The following TMEM132C variants were observed in gnomAD, a reference collection of about 807,000 sequenced individuals.
TMEM132C encodes the protein transmembrane protein 132C.
Under a neutral mutation model 61.4 loss-of-function variants are expected in TMEM132C, and 29 were observed. The ratio of observed to expected loss-of-function variants is 0.47; its 90% CI spans 0.35 to 0.64. The LOEUF is 0.64. TMEM132C is among the 30% of genes least tolerant of loss of function. TMEM132C has a pLI of 0.00. For missense variants in TMEM132C, 1,408 were observed against 1,476.9 expected, an observed-to-expected ratio of 0.95 and a Z score of 0.76; for synonymous variants, 656 against 633.1, an observed-to-expected ratio of 1.04 and a Z score of -0.54.
intron 1 of TMEM132C, among the ~76,000 whole-genome samples, chr12:128,334,554 C>A (rs1255416431): frequency 6.6e-6 from 1 of 152,032 alleles, no homozygotes; most frequent in Non-Finnish European, 1.5e-5. Flanking sequence ...GAGTTTCCCC[C>A]ACTAGTTTCT....
intron 4 of TMEM132C, among the ~76,000 whole-genome samples, chr12:128,617,183 C>T (rs4882707): frequency 0.33 from 50,154 of 152,064 alleles, 8,432 homozygotes; most frequent in East Asian, 0.4. Context: ...CATGTCAGCG[C>T]GGCTGGTCTG....
intron 3 of TMEM132C, among the ~76,000 whole-genome samples, chr12:128,547,725 TA>T (rs1593095705): frequency 6.6e-6 from 1 of 152,038 alleles, no homozygotes; most frequent in East Asian, 1.9e-4. Flanking sequence ...TAGGGAGACA[TA>T]AATAGTTTCA....
intron 1 of TMEM132C, among the ~76,000 whole-genome samples, chr12:128,354,321 T>C (rs1873432731): frequency 6.6e-6 from 1 of 151,856 alleles, no homozygotes; most frequent in South Asian, 2.1e-4. Context: ...GAAGTCTCCC[T>C]CCCTCACTTC....
chr12:128,410,406 T>G (rs985975917), intron 1 of TMEM132C, among the ~76,000 whole-genome samples: 2 of 152,068 alleles, frequency 1.3e-5, no homozygotes, highest in Non-Finnish European at 2.9e-5. Flanking sequence ...TGTATATGTT[T>G]GTATGTATGT....
At chr12:128,640,897 G>GCA (rs984506160) in intron 4 of TMEM132C, among the ~76,000 whole-genome samples, 3 of 151,840 alleles carry the variant, frequency 2.0e-5, no homozygotes, top group Non-Finnish European at 4.4e-5. Context: ...TCACACACAC[G>GCA]CACACACACA....
Position 128,567,427 on chromosome 12 carries a change from T to C in TMEM132C, c.1121+23324T>C, listed in dbSNP as rs931042945. On this transcript the variant is annotated intron_variant, in intron 3 of 8. Coordinates refer to ENST00000435159, the MANE Select transcript of TMEM132C (RefSeq NM_001136103.3). ...GAGATCATAAGTGTCCACATACCCA[T>C]AGACACACACACACACACACACACA... 2.6e-5 allele frequency among the ~76,000 whole-genome samples: 3 copies of C among 114,252 alleles called. No homozygotes were observed. In the Admixed American group the frequency reaches 2.8e-4, roughly 11 times the overall value. The allele number at this position is 114,252 out of a possible 152,430, so 75.0% of individuals were successfully genotyped here.
intron 8 of TMEM132C, 92 bp from the exon 9 acceptor site, chr12:128,704,998 G>T: frequency 7.2e-7 from 1 of 1,382,714 alleles, no homozygotes; most frequent in Admixed American, 2.8e-5. Context: ...TTGAGGTCCT[G>T]CTCCCTGTTT....
intron 4 of TMEM132C, among the ~76,000 whole-genome samples, chr12:128,648,558 G>C (rs1185150095): frequency 6.6e-6 from 1 of 151,948 alleles, no homozygotes; most frequent in Non-Finnish European, 1.5e-5. Context: ...CATTGGATGA[G>C]TGTGTTTACT....
At chr12:128,389,284 G>A (rs765255790) in intron 1 of TMEM132C, among the ~76,000 whole-genome samples, 78 of 152,128 alleles carry the variant, frequency 5.1e-4, no homozygotes, top group Admixed American at 2.4e-3. Flanking sequence ...GAGACACTAA[G>A]CAAAGAAAAC....
At chr12:128,626,786 A>G (rs1954021550) in intron 4 of TMEM132C, among the ~76,000 whole-genome samples, 1 of 152,210 alleles carries the variant, frequency 6.6e-6, no homozygotes, top group East Asian at 1.9e-4. Context: ...GTGTGAGCAC[A>G]CATATCTTAC....
intron 4 of TMEM132C, among the ~76,000 whole-genome samples, chr12:128,663,625 C>T (rs75706831): frequency 0.024 from 3,694 of 152,276 alleles, 92 homozygotes; most frequent in African/African-American, 0.067. Flanking sequence ...TTAACACTTC[C>T]GTGTTAAGGA....
chr12:128,413,297 T>TAA (rs1868629941), intron 1 of TMEM132C, among the ~76,000 whole-genome samples: 1 of 2,060 alleles, frequency 4.9e-4, no homozygotes, highest in Non-Finnish European at 3.1e-3. Context: ...AGACTCTGTC[T>TAA]CAAAAAAAAA....
intron 3 of TMEM132C, among the ~76,000 whole-genome samples, chr12:128,609,450 G>A (rs1876552504): frequency 6.6e-6 from 1 of 151,740 alleles, no homozygotes; most frequent in Non-Finnish European, 1.5e-5. Flanking sequence ...TGGAGACAGG[G>A]TTTTGCCACG....
At chr12:128,593,494 C>T (rs1461412908) in intron 3 of TMEM132C, among the ~76,000 whole-genome samples, 1 of 152,232 alleles carries the variant, frequency 6.6e-6, no homozygotes, top group African/African-American at 2.4e-5. Flanking sequence ...ACTCACACAG[C>T]CAATCCATGG....
At chr12:128,390,841 GAGT>G (rs1874742962) in intron 1 of TMEM132C, among the ~76,000 whole-genome samples, 1 of 152,200 alleles carries the variant, frequency 6.6e-6, no homozygotes, top group Non-Finnish European at 1.5e-5. Flanking sequence ...GGCCTGGACT[GAGT>G]GGTGGCCATG....
intron 2 of TMEM132C, among the ~76,000 whole-genome samples, chr12:128,478,226 A>G (rs978849843): frequency 6.6e-6 from 1 of 152,250 alleles, no homozygotes; most frequent in Non-Finnish European, 1.5e-5. Flanking sequence ...CGAGATGATT[A>G]TGACTGCATT....
At chr12:128,620,812 C>T (rs1031228308) in intron 4 of TMEM132C, among the ~76,000 whole-genome samples, 13 of 151,606 alleles carry the variant, frequency 8.6e-5, no homozygotes, top group African/African-American at 2.9e-4. Context: ...TTTTCTTACA[C>T]AGAGCTTTCA....
At chr12:128,526,010 C>G (rs969628667) in intron 2 of TMEM132C, among the ~76,000 whole-genome samples, 55 of 152,202 alleles carry the variant, frequency 3.6e-4, no homozygotes, top group Non-Finnish European at 7.3e-5. Context: ...AGAATGTGCT[C>G]TCTGCAGGAA....
chr12:128,448,610 C>G (rs1184217750), intron 2 of TMEM132C, among the ~76,000 whole-genome samples: 1 of 152,174 alleles, frequency 6.6e-6, no homozygotes, highest in African/African-American at 2.4e-5. Flanking sequence ...TCGGCCACAA[C>G]AAATCACAAG....
Sources: allele counts gnomAD v4.1 joint callset (sites outside exome capture counted in the v4.1 genomes callset), GRCh38; gene constraint gnomAD v4.1.1; transcripts MANE v1.5; gene names NCBI Gene and HGNC (gene_info 2026-07-23, HGNC 2026-07-21).